Variants in MON2 observed in about 807,000 individuals in gnomAD.
MON2 encodes MON2 regulator of endosome-to-Golgi trafficking.
MON2 carries 84 observed loss-of-function variants against 208.6 expected under a neutral mutation model. The observed-to-expected ratio is 0.40, with a 90% CI of 0.34 to 0.48. The LOEUF is 0.48. MON2 is among the 20% of genes least tolerant of loss of function. The pLI, the probability that MON2 is intolerant of heterozygous loss-of-function variation, is 0.59. For synonymous variants in MON2, 660 were observed against 694.0 expected (o/e 0.95, Z 0.77); for missense variants, 1,611 against 2,015.4 (o/e 0.80, Z 3.84).
At chr12:62,573,432 G>T (rs1306593596) in intron 30 of MON2, among the ~76,000 whole-genome samples, 1 of 143,436 alleles carries the variant, frequency 7.0e-6, no homozygotes, top group South Asian at 2.2e-4. Flanking sequence ...ACTTCTTTAA[G>T]TATTGCTTTC....
intron 29 of MON2, among the ~76,000 whole-genome samples, chr12:62,568,798 A>G (rs1031806366): frequency 5.3e-5 from 8 of 152,082 alleles, no homozygotes; most frequent in African/African-American, 1.9e-4. Flanking sequence ...GAATACAGGC[A>G]CACACCACCA....
At chr12:62,573,487 G>A (rs199901004) in intron 30 of MON2, among the ~76,000 whole-genome samples, 2 of 151,596 alleles carry the variant, frequency 1.3e-5, no homozygotes, top group East Asian at 3.9e-4. Context: ...GCTACTTTGG[G>A]AGGCTGAGGT....
chr12:62,475,668 G>T (rs2069036160), intron 1 of MON2, among the ~76,000 whole-genome samples: 1 of 149,082 alleles, frequency 6.7e-6, no homozygotes, highest in Non-Finnish European at 1.5e-5. Flanking sequence ...CTCCCAAAGT[G>T]CTGGGATTAC....
At chr12:62,501,851 T>A (rs2070850047) in intron 7 of MON2, among the ~76,000 whole-genome samples, 153 bp downstream of exon 7, 1 of 152,134 alleles carries the variant, frequency 6.6e-6, no homozygotes. Flanking sequence ...TTTGGGAGGC[T>A]GAGGTGGGAG....
rs1474960925 is a variant in MON2, at chr12:62,595,824, A to G, written c.*3075A>G. 6.6e-6 allele frequency: 1 copy of G among 152,172 alleles called. No individual in the cohort carries two copies. The highest frequency in any genetic ancestry group is 1.5e-5 in the Non-Finnish European group (1 of 68,026). The allele number at this position is 152,172 out of a possible 1,614,324, so 9.4% of individuals were successfully genotyped here. ...TTAGAACCACTTTTCACTTGCTTTC[A>G]TTTTTAATTTTATTCACTTAACAGC... On this transcript the variant is annotated 3_prime_UTR_variant, in exon 35 of 35. Transcript: ENST00000393630.
chr12:62,488,023 G>A (rs928231498), intron 2 of MON2, among the ~76,000 whole-genome samples: 7 of 152,114 alleles, frequency 4.6e-5, no homozygotes, highest in Non-Finnish European at 8.8e-5. Context: ...TCCTACATGG[G>A]AAATAGTAAG....
intron 1 of MON2, among the ~76,000 whole-genome samples, chr12:62,477,916 C>T (rs1437633923): frequency 1.3e-5 from 2 of 152,108 alleles, no homozygotes; most frequent in Non-Finnish European, 2.9e-5. Context: ...CCGTTGTTGC[C>T]AAGGTTGGAT....
chr12:62,539,041 A>G (rs2073112590), intron 19 of MON2, among the ~76,000 whole-genome samples: 1 of 152,132 alleles, frequency 6.6e-6, no homozygotes, highest in South Asian at 2.1e-4. Flanking sequence ...TTTCTATACT[A>G]CTAAAAATAT....
Position 62,510,178 on chromosome 12 carries a change from A to G in MON2, c.984+1698A>G, listed in dbSNP as rs2071321835. On this transcript the variant is annotated intron_variant, in intron 8 of 34. Transcript: ENST00000393630. ...AATTAATAATGAAAAACCTTCCAAC[A>G]AAGAAAAGTGCAAGAACAGATGACT... 2.0e-5 allele frequency among the ~76,000 whole-genome samples: 3 copies of G among 152,206 alleles called. No homozygotes were observed. The South Asian group carries it at 6.2e-4, about 31-fold the overall frequency.
rs546981153 is a variant in MON2, at chr12:62,480,460, G to C, written c.112-3710G>C. ...TGTGCCTGTGGTCCCAGGCTACTCA[G>C]GAGGCTGAGATGGATGGATTGCTTG... On this transcript the variant is annotated intron_variant, in intron 1 of 34. Transcript: ENST00000393630. Among the ~76,000 whole-genome samples, 150 of 152,266 alleles carry C rather than the reference G, an allele frequency of 9.9e-4. 1 individual carries two copies. Among genetic ancestry groups the C allele is most frequent in the African/African-American group, 3.5e-3 (144 of 41,536 alleles).
chr12:62,492,901 C>T (rs2070244128), intron 2 of MON2, among the ~76,000 whole-genome samples: 1 of 151,666 alleles, frequency 6.6e-6, no homozygotes. Context: ...ATCACTTGAA[C>T]CGGGGAGTCG....
At chr12:62,555,862 A>G in intron 24 of MON2, 132 bp from the exon 25 acceptor site, 1 of 679,606 alleles carries the variant, frequency 1.5e-6, no homozygotes, top group Non-Finnish European at 2.5e-6. Context: ...GTTTCCTCCA[A>G]TATATAGGGA....
At chr12:62,586,724 G>A (rs912296242) in intron 33 of MON2, among the ~76,000 whole-genome samples, 2 of 152,098 alleles carry the variant, frequency 1.3e-5, no homozygotes, top group African/African-American at 4.8e-5. Context: ...GATTTCTGAA[G>A]TATACTTGGA....
At chr12:62,505,717 C>T (rs936269701) in intron 7 of MON2, among the ~76,000 whole-genome samples, 21 of 143,680 alleles carry the variant, frequency 1.5e-4, no homozygotes, top group East Asian at 6.0e-4. Flanking sequence ...CTTGTCTCTA[C>T]GAAAAATTAA....
At chr12:62,470,764 G>GA in intron 1 of MON2, 1 of 1,095,048 alleles carries the variant, frequency 9.1e-7, no homozygotes, top group Non-Finnish European at 1.1e-6. Context: ...CCTAGCAGAG[G>GA]AAATAGCACA....
intron 24 of MON2, among the ~76,000 whole-genome samples, chr12:62,555,371 A>T (rs1475450505): frequency 6.6e-6 from 1 of 151,304 alleles, no homozygotes; most frequent in African/African-American, 2.4e-5. Context: ...TTTGGTAGGG[A>T]CTGGGTTTCG....
chr12:62,542,812 A>C (rs1368407483), intron 19 of MON2, among the ~76,000 whole-genome samples: 3 of 152,126 alleles, frequency 2.0e-5, no homozygotes, highest in African/African-American at 7.2e-5. Context: ...TCTGGTTGGA[A>C]GACTAGCCAT....
At chr12:62,478,401 G>A (rs558744977) in intron 1 of MON2, among the ~76,000 whole-genome samples, 24 of 152,284 alleles carry the variant, frequency 1.6e-4, no homozygotes, top group African/African-American at 5.5e-4. Flanking sequence ...AGTAGTTACC[G>A]TAGAAGAAAG....
rs142659962 is a variant in MON2 at position 62,581,923 on chromosome 12, T to G, written c.4699+1503T>G. On this transcript the variant is annotated intron_variant, in intron 32 of 34. Coordinates refer to ENST00000393630, the MANE Select transcript of MON2 (RefSeq NM_015026.3). Reference sequence around the variant, plus strand: ...GCCTTAACTAGCTTCTCCTATTTTGTGCTGAGCATTTTAAAGAGCATTTAT... The same window carrying G: ...GCCTTAACTAGCTTCTCCTATTTTGGGCTGAGCATTTTAAAGAGCATTTAT... Among the ~76,000 whole-genome samples, 669 of 152,350 alleles carry G rather than the reference T, an allele frequency of 4.4e-3. 5 individuals carry two copies. The highest frequency in any genetic ancestry group is 0.015 in the African/African-American group (618 of 41,594).
Sources: allele counts gnomAD v4.1 joint callset (sites outside exome capture counted in the v4.1 genomes callset), GRCh38; gene constraint gnomAD v4.1.1; transcripts MANE v1.5; gene names NCBI Gene and HGNC (gene_info 2026-07-23, HGNC 2026-07-21).